MRPS28: variants seen among roughly 807,000 people sequenced by gnomAD.
MRPS28 encodes the protein mitochondrial ribosomal protein S28.
In MRPS28, 7 loss-of-function variants were observed where a neutral mutation model predicts 10.8. The ratio of observed to expected loss-of-function variants is 0.65; its 90% CI spans 0.37 to 1.22. The LOEUF (loss-of-function observed/expected upper bound fraction) is 1.22. MRPS28 is among the 50% of genes most tolerant of loss of function. MRPS28 has a pLI of 0.02. For missense variants in MRPS28, 265 were observed against 232.9 expected (o/e 1.14, Z -0.90); for synonymous variants, 121 against 93.3 (o/e 1.30, Z -1.71).
intron 1 of MRPS28, among the ~76,000 whole-genome samples, chr8:80,020,384 G>A (rs969631990): frequency 1.3e-5 from 2 of 152,162 alleles, no homozygotes; most frequent in Admixed American, 6.5e-5. Context: ...ACTTTGGAAC[G>A]CCCTTGGCTG....
rs1009542365 is a variant in MRPS28 at position 79,946,350 on chromosome 8, T to C, written c.396-27202A>G. ...GTATATACTTGAAGTAAAGAAGAAATAGATGCTGTAACATATGCTTTTTTC... is the reference window on the plus strand; with the variant it reads ...GTATATACTTGAAGTAAAGAAGAAACAGATGCTGTAACATATGCTTTTTTC... On this transcript the variant is annotated intron_variant, in intron 2 of 2. Coordinates refer to ENST00000276585, the MANE Select transcript of MRPS28 (RefSeq NM_014018.3). Among the ~76,000 whole-genome samples, 5 of 152,094 alleles carry C rather than the reference T, an allele frequency of 3.3e-5. No individual in the cohort carries two copies. In the East Asian group the frequency reaches 5.8e-4, roughly 18 times the overall value.
chr8:79,951,264 C>T (rs1807072786), intron 2 of MRPS28, among the ~76,000 whole-genome samples: 2 of 152,334 alleles, frequency 1.3e-5, no homozygotes, highest in South Asian at 4.1e-4. Context: ...CCCTCAAGGA[C>T]AGGTTCTCAG....
rs982353184 is a variant in MRPS28, at chr8:79,918,868, T to C, written c.*112A>G. The C allele has an allele frequency of 2.2e-5, 19 of 848,774 alleles. No homozygotes were observed. In the African/African-American group the frequency reaches 2.8e-4, roughly 13 times the overall value. 52.6% of individuals were successfully genotyped at this position (848,774 alleles called of 1,614,324 possible). ...TTCTAATAAGAGTTATCTATAATTA[T>C]AGCTTTTATTTATTATATCTTCATT... is the stretch of plus-strand genomic sequence containing the variant. On this transcript the variant is annotated 3_prime_UTR_variant, in exon 3 of 3. Transcript: ENST00000276585.
chr8:79,950,935 A>G (rs940801888), intron 2 of MRPS28, among the ~76,000 whole-genome samples: 1 of 152,112 alleles, frequency 6.6e-6, no homozygotes, highest in Non-Finnish European at 1.5e-5. Context: ...GCTGATTCCC[A>G]ACCTAATATC....
chr8:79,984,342 G>T (rs1305790488), intron 2 of MRPS28, among the ~76,000 whole-genome samples: 2 of 152,260 alleles, frequency 1.3e-5, no homozygotes, highest in Non-Finnish European at 2.9e-5. Context: ...AAAGACCATC[G>T]AGGCTAGGAA....
At chr8:79,997,232 C>T (rs1808523884) in intron 2 of MRPS28, among the ~76,000 whole-genome samples, 1 of 152,028 alleles carries the variant, frequency 6.6e-6, no homozygotes, top group Admixed American at 6.6e-5. Context: ...CCATACAAGC[C>T]CTCTGACTCA....
In MRPS28 at chr8:79,919,182, C is replaced by T. The variant is rs755098515; in HGVS notation, c.396-34G>A. 5.3e-6 allele frequency: 8 copies of T among 1,497,388 alleles called. 1 individual carries two copies. In the South Asian group the frequency reaches 9.4e-5, roughly 18 times the overall value. The allele number at this position is 1,497,388 out of a possible 1,614,324, so 92.8% of individuals were successfully genotyped here. On this transcript the variant is annotated intron_variant, in intron 2 of 2. Coordinates refer to ENST00000276585, the MANE Select transcript of MRPS28 (RefSeq NM_014018.3). ...TTAAAAAAAAAAAAATCCATTAATTCTGAATATCATAACATGAACAACTAG... is the reference window on the plus strand; with the variant it reads ...TTAAAAAAAAAAAAATCCATTAATTTTGAATATCATAACATGAACAACTAG...
At chr8:79,921,929 C>T (rs935559863) in intron 2 of MRPS28, among the ~76,000 whole-genome samples, 1 of 152,168 alleles carries the variant, frequency 6.6e-6, no homozygotes, top group East Asian at 1.9e-4. Flanking sequence ...TTGTCATAGA[C>T]AGCTCTTATT....
intron 2 of MRPS28, among the ~76,000 whole-genome samples, chr8:79,941,890 A>C: frequency 6.6e-6 from 1 of 152,230 alleles, no homozygotes; most frequent in East Asian, 1.9e-4. Flanking sequence ...GATTAAGATG[A>C]AAAAATGGTT....
At chr8:80,015,951 T>G (rs768208497) in intron 1 of MRPS28, among the ~76,000 whole-genome samples, 1 of 148,032 alleles carries the variant, frequency 6.8e-6, no homozygotes, top group Non-Finnish European at 1.5e-5. Context: ...AAAAAAAAAC[T>G]GTGACTCTGA....
At chr8:79,953,177 C>G (rs894985705) in intron 2 of MRPS28, among the ~76,000 whole-genome samples, 1 of 152,044 alleles carries the variant, frequency 6.6e-6, no homozygotes, top group African/African-American at 2.4e-5. Context: ...AGGCTGCAGC[C>G]GTTTTCTCTC....
rs190467708 is a variant in MRPS28 at position 79,986,508 on chromosome 8, T to C, written c.395+16491A>G. 5.2e-3 allele frequency among the ~76,000 whole-genome samples: 790 copies of C among 152,296 alleles called. 6 individuals are homozygous for C. Among genetic ancestry groups the C allele is most frequent in the Middle Eastern group, 0.014 (4 of 294 alleles). On this transcript the variant is annotated intron_variant, in intron 2 of 2. Coordinates refer to ENST00000276585, the MANE Select transcript of MRPS28 (RefSeq NM_014018.3). ...TTGTCCCTGTTTGCAGATGACATGA[T>C]TGTATATCTAGAAAACCCCGTTGTC...
At position 80,030,035 on chromosome 8, in the gene MRPS28, C is replaced by T. The variant is rs755588809; in HGVS notation, c.213+1G>A. 14 of 1,612,612 alleles carry T rather than the reference C, an allele frequency of 8.7e-6. No individual in the cohort carries two copies. The Admixed American group carries it at 2.2e-4, about 25-fold the overall frequency. ...CTCCCTCTCACCCGCCCGGGCTCCA[C>T]CTTCTGTAGGGGCTCCACCTTCTGT... On this transcript the variant is annotated splice_donor_variant, in intron 1 of 2. Transcript: ENST00000276585. LOFTEE classifies it high-confidence loss of function.
rs558080109 is a variant in MRPS28, at chr8:79,997,140, T to A, written c.395+5859A>T. On this transcript the variant is annotated intron_variant, in intron 2 of 2. Coordinates refer to ENST00000276585, the MANE Select transcript of MRPS28 (RefSeq NM_014018.3). ...AAGGAAACAATCAAGTCTGTGAAAT[T>A]GTTTGCTGCATTAATATGACAGAAA... is the stretch of plus-strand genomic sequence containing the variant. Among the ~76,000 whole-genome samples, 6 of 152,308 alleles carry A rather than the reference T, an allele frequency of 3.9e-5. No homozygotes were observed. In the South Asian group the frequency reaches 1.0e-3, roughly 26 times the overall value.
At chr8:80,029,977 C>T in intron 1 of MRPS28, 59 bp downstream of exon 1, 2 of 1,579,230 alleles carry the variant, frequency 1.3e-6, no homozygotes, top group Non-Finnish European at 1.7e-6. Flanking sequence ...ATTCCCGACC[C>T]CGCCCACCGC....
chr8:79,984,731 T>A (rs1173045042), intron 2 of MRPS28, among the ~76,000 whole-genome samples: 1 of 152,184 alleles, frequency 6.6e-6, no homozygotes, highest in Non-Finnish European at 1.5e-5. Flanking sequence ...CTAACTATCC[T>A]AAATATATGT....
At chr8:79,999,692 G>A (rs1052300265) in intron 2 of MRPS28, among the ~76,000 whole-genome samples, 3 of 152,126 alleles carry the variant, frequency 2.0e-5, no homozygotes, top group African/African-American at 4.8e-5. Flanking sequence ...CTACATAGCC[G>A]TAAGGGTATG....
chr8:80,005,573 A>C (rs933609975), intron 1 of MRPS28, among the ~76,000 whole-genome samples: 6 of 152,198 alleles, frequency 3.9e-5, no homozygotes, highest in South Asian at 2.1e-4. Context: ...GAAACTGCAT[A>C]AACTAATGAG....
intron 1 of MRPS28, among the ~76,000 whole-genome samples, chr8:80,025,803 T>G (rs1809480901): frequency 6.6e-6 from 1 of 152,208 alleles, no homozygotes; most frequent in Non-Finnish European, 1.5e-5. Context: ...GCAACACAGC[T>G]AGTAAATGGT....
Sources: allele counts gnomAD v4.1 joint callset (sites outside exome capture counted in the v4.1 genomes callset), GRCh38; gene constraint gnomAD v4.1.1; transcripts MANE v1.5; gene names NCBI Gene and HGNC (gene_info 2026-07-23, HGNC 2026-07-21).